NACA: variants seen among roughly 807,000 people sequenced by gnomAD.
NACA encodes the protein nascent polypeptide-associated complex subunit alpha.
A neutral mutation model predicts 86.4 loss-of-function variants in NACA; 42 were observed. The observed-to-expected ratio is 0.49, with a 90% CI of 0.38 to 0.63. The LOEUF is 0.63. NACA is among the 20% of genes least tolerant of loss of function. The pLI is 0.00. For synonymous variants in NACA, 898 were observed against 973.7 expected, an observed-to-expected ratio of 0.92 and a Z score of 1.45; for missense variants, 2,157 against 2,483.6, an observed-to-expected ratio of 0.87 and a Z score of 2.80.
chr12:56,724,900 G>A (rs375269668), intron 1 of NACA: 2 of 228,362 alleles, frequency 8.8e-6, no homozygotes, highest in African/African-American at 2.3e-5. Context: ...GGTGTTTTAA[G>A]TCCAACACTT....
In NACA at chr12:56,716,395, G is replaced by A. The variant is rs778589210; in HGVS notation, c.5135C>T (p.Thr1712Ile). Residue 1712 changes from threonine to isoleucine, a missense_variant, in exon 3 of 9, where the codon ACT becomes ATT. Around this residue, in one of 8 missense-constraint regions of NACA, gnomAD observed 797 missense variants for 777.6 expected, o/e 1.02. Coordinates refer to ENST00000454682, the MANE Select transcript of NACA (RefSeq NM_001365896.1). ...GGGATCTGGGCATATAGGAGGTGAA[G>A]TAGCAGAACTCTTTTTGGTCTGTGG... ...KGPQTKKSSA[T>I]SPPICPDPSA... 1.2e-6 allele frequency: 2 copies of A among 1,607,328 alleles called. No homozygotes were observed. Among genetic ancestry groups the A allele is most frequent in the African/African-American group, 1.3e-5 (1 of 74,844 alleles).
chr12:56,717,300 G>A lies in NACA; in HGVS notation c.4230C>T (p.Leu1410=), dbSNP rs1434490141. Residue 1410 remains leucine, a synonymous_variant, in exon 3 of 9, where the codon CTC becomes CTT. Coordinates refer to ENST00000454682, the MANE Select transcript of NACA (RefSeq NM_001365896.1). ...GDPTSPAVIP[L]SPKKAPATPV... is the part of the protein sequence containing the mutation. ...GAGTTGCTGGAGCCTTTTTGGGGGA[G>A]AGAGGAATCACTGCTGGGGAAGTGG... 1 of 1,343,166 alleles carries A rather than the reference G, an allele frequency of 7.4e-7. No individual in the cohort carries two copies. Among genetic ancestry groups the A allele is most frequent in the South Asian group, 1.4e-5 (1 of 71,826 alleles). The allele number at this position is 1,343,166 out of a possible 1,614,324, so 83.2% of individuals were successfully genotyped here.
In NACA at chr12:56,716,707, G is replaced by A. The variant is rs760949773; in HGVS notation, c.4823C>T (p.Pro1608Leu). 1.4e-6 allele frequency: 2 copies of A among 1,410,162 alleles called. No homozygotes were observed. Among genetic ancestry groups the A allele is most frequent in the Non-Finnish European group, 1.9e-6 (2 of 1,056,742 alleles). The allele number at this position is 1,410,162 out of a possible 1,614,324, so 87.4% of individuals were successfully genotyped here. The stretch of plus-strand genomic sequence containing the variant: ...AGGAGTAGGTGCCTCTTTGGGGGAA[G>A]GAGAAGTCACAGCTGGTGGAATGAG... ...ELLIPPAVTSPSPKEAPTPPA... is the reference protein window; with the variant it reads ...ELLIPPAVTSLSPKEAPTPPA... Residue 1608 changes from proline to leucine, a missense_variant, in exon 3 of 9, where the codon CCT (proline) becomes CTT (leucine). Physicochemically the swap from Pro to Leu is moderately conservative, Grantham distance 98. Coordinates refer to ENST00000454682, the MANE Select transcript of NACA (RefSeq NM_001365896.1).
intron 2 of NACA, among the ~76,000 whole-genome samples, chr12:56,722,649 CTGCA>C: frequency 6.6e-6 from 1 of 152,212 alleles, no homozygotes; most frequent in East Asian, 1.9e-4. Context: ...GATCGCGCTA[CTGCA>C]TGCACTCCAG....
At chr12:56,713,793 G>A (rs1030363060) in intron 5 of NACA, 110 bp from the exon 6 acceptor site, 2 of 1,101,380 alleles carry the variant, frequency 1.8e-6, no homozygotes, top group Admixed American at 2.3e-5. Flanking sequence ...GCTGAGAAAA[G>A]TTCATACAAG....
Position 56,719,434 on chromosome 12 carries a change from G to A in NACA, c.2096C>T (p.Pro699Leu). 1 of 1,613,098 alleles carries A rather than the reference G, an allele frequency of 6.2e-7. No homozygotes were observed. The highest frequency in any genetic ancestry group is 1.1e-5 in the South Asian group (1 of 90,604). The change falls in exon 3 of 9, where the codon CCC (proline) becomes CTC (leucine). Residue 699 changes from proline (P) to leucine (L), a missense_variant. Coordinates refer to ENST00000454682, the MANE Select transcript of NACA (RefSeq NM_001365896.1). ...ATTTTCTGAAGCTGTAGGAACCAAG[G>A]GTAAAGTAGTAAGAGTACCTTCCTT... is the stretch of plus-strand genomic sequence containing the variant. ...PVKEGTLTTLPLVPTASENCP... is the reference protein window; with the variant it reads ...PVKEGTLTTLLLVPTASENCP...
chr12:56,716,164 G>C lies in NACA; in HGVS notation c.5366C>G (p.Ser1789Cys), dbSNP rs541284931. ...TGGTGGGGAGGGTGCTGCAGAGACAGATGCTGATTCAGGTTTAGGAAGGAC... is the reference window on the plus strand; with the variant it reads ...TGGTGGGGAGGGTGCTGCAGAGACACATGCTGATTCAGGTTTAGGAAGGAC... ...EKVLPKPESA[S>C]VSAAPSPPVS... Residue 1789 changes from serine (S) to cysteine (C), a missense_variant, in exon 3 of 9, where the codon TCT becomes TGT. Physicochemically the swap from Ser to Cys is moderately radical, Grantham distance 112. Transcript: ENST00000454682. 5 of 1,613,672 alleles carry C rather than the reference G, an allele frequency of 3.1e-6. No individual in the cohort carries two copies. The African/African-American group carries it at 6.7e-5, about 21-fold the overall frequency.
Position 56,716,449 on chromosome 12 carries a change from G to A in NACA, c.5081C>T (p.Pro1694Leu). 3.2e-6 allele frequency: 5 copies of A among 1,576,302 alleles called. No individual in the cohort carries two copies. Among genetic ancestry groups the A allele is most frequent in the Non-Finnish European group, 4.3e-6 (5 of 1,156,488 alleles). The part of the protein sequence containing the change: ...VLVAPAPEST[P>L]IITAPTRKGP... ...TTTCCGAGTGGGAGCTGTGATGATT[G>A]GCGTGCTTTCTGGAGCTGGGGCAAC... The change falls in exon 3 of 9, where the codon CCA becomes CTA. Residue 1694 changes from proline (P) to leucine (L), a missense_variant. Physicochemically the swap from Pro to Leu is moderately conservative, Grantham distance 98. Transcript: ENST00000454682.
intron 2 of NACA, among the ~76,000 whole-genome samples, chr12:56,721,749 C>A (rs1270874360): frequency 6.6e-6 from 1 of 152,194 alleles, no homozygotes; most frequent in Admixed American, 6.5e-5. Flanking sequence ...TAAGAGCAGC[C>A]TATCTCTAAA....
rs574662799 is a variant in NACA at position 56,716,047 on chromosome 12, G to T, written c.5483C>A (p.Pro1828His). 6.2e-6 allele frequency: 10 copies of T among 1,610,574 alleles called. No homozygotes were observed. The South Asian group carries it at 1.1e-4, about 18-fold the overall frequency. The change falls in exon 3 of 9, where the codon CCC (proline) becomes CAC (histidine). Residue 1828 changes from proline to histidine, a missense_variant. Physicochemically the swap from Pro to His is moderately conservative, Grantham distance 77. This residue lies in a region of NACA where 797 missense variants were observed against 777.6 expected (regional missense o/e 1.02). Transcript: ENST00000454682. ...PSSPGLVLES[P>H]SKPLAPADED... ...ATCAGCAGGGGCAAGGGGTTTAGAG[G>T]GTGATTCCAACACCAGCCCAGGAGA... is the stretch of plus-strand genomic sequence containing the variant.
chr12:56,721,437 G>A lies in NACA; in HGVS notation c.93C>T (p.Ala31=), dbSNP rs530418404. ...AETAVLPMSS[A]LSVTAALGQP... ...GCCCTAAGGCAGCAGTGACACTCAA[G>A]GCTGAAGACATAGGTAGCACAGCTG... Residue 31 remains alanine, a synonymous_variant, in exon 3 of 9, where the codon GCC becomes GCT. Transcript: ENST00000454682. 2.2e-5 allele frequency: 34 copies of A among 1,522,640 alleles called. No individual in the cohort carries two copies. In the African/African-American group the frequency reaches 4.2e-4, roughly 19 times the overall value. 94.3% of individuals were successfully genotyped at this position (1,522,640 alleles called of 1,614,324 possible). A position where few individuals can be genotyped will look rare whatever the true frequency, so the allele number is the denominator to read the frequency against.
chr12:56,720,599 G>C lies in NACA; in HGVS notation c.931C>G (p.Pro311Ala), dbSNP rs773804766. 1 of 1,613,976 alleles carries C rather than the reference G, an allele frequency of 6.2e-7. No individual in the cohort carries two copies. The highest frequency in any genetic ancestry group is 1.6e-4 in the Middle Eastern group (1 of 6,062). ...FPISLGSHLA[P>A]LHQSSFGSVQ... is the part of the protein sequence containing the mutation. ...GAACCAAAAGAACTCTGATGTAAAGGTGCAAGATGAGAGCCCAGAGAAATG... is the reference window on the plus strand; with the variant it reads ...GAACCAAAAGAACTCTGATGTAAAGCTGCAAGATGAGAGCCCAGAGAAATG... Residue 311 changes from proline to alanine, a missense_variant, in exon 3 of 9, where the codon CCT (proline) becomes GCT (alanine). Physicochemically the swap from Pro to Ala is conservative, Grantham distance 27 (BLOSUM62 -1). Transcript: ENST00000454682.
chr12:56,716,689 G>A lies in NACA; in HGVS notation c.4841C>T (p.Pro1614Leu), dbSNP rs773367731. 1 of 1,420,552 alleles carries A rather than the reference G, an allele frequency of 7.0e-7. No homozygotes were observed. The highest frequency in any genetic ancestry group is 3.0e-5 in the East Asian group (1 of 33,014). The allele number at this position is 1,420,552 out of a possible 1,614,324, so 88.0% of individuals were successfully genotyped here. A position where few individuals can be genotyped will look rare whatever the true frequency, so the allele number is the denominator to read the frequency against. Reference sequence around the variant, plus strand: ...TGGAGGAGTCACAGCTGGAGGAGTAGGTGCCTCTTTGGGGGAAGGAGAAGT... The same window carrying A: ...TGGAGGAGTCACAGCTGGAGGAGTAAGTGCCTCTTTGGGGGAAGGAGAAGT... ...AVTSPSPKEA[P>L]TPPAVTPPSP... The change falls in exon 3 of 9, where the codon CCT (proline) becomes CTT (leucine). Residue 1614 changes from proline to leucine, a missense_variant. By Grantham distance (98) the Pro-to-Leu change is moderately conservative (BLOSUM62 -3). Around this residue, in one of 8 missense-constraint regions of NACA, gnomAD observed 797 missense variants for 777.6 expected, o/e 1.02. Transcript: ENST00000454682.
Position 56,717,308 on chromosome 12 carries a change from TC to T in NACA, c.4221del (p.Ile1408PhefsTer31). On this transcript the variant is annotated frameshift_variant, in exon 3 of 9. Coordinates refer to ENST00000454682, the MANE Select transcript of NACA (RefSeq NM_001365896.1). LOFTEE classifies it high-confidence loss of function. ...GGAGCCTTTTTGGGGGAGAGAGGAA[TC>T]ACTGCTGGGGAAGTGGGGTCCCCTT... is the stretch of plus-strand genomic sequence containing the variant. ...SPKGDPTSPAVIPLSPKKAPA... is the reference protein window; with the variant it reads ...SPKGDPTSPAXIPLSPKKAPA... 5 of 1,338,968 alleles carry T rather than the reference TC, an allele frequency of 3.7e-6. No individual in the cohort carries two copies. The highest frequency in any genetic ancestry group is 4.9e-6 in the Non-Finnish European group (5 of 1,023,632). 82.9% of individuals were successfully genotyped at this position (1,338,968 alleles called of 1,614,324 possible). A position where few individuals can be genotyped will look rare whatever the true frequency, so the allele number is the denominator to read the frequency against.
chr12:56,718,738 G>C lies in NACA; in HGVS notation c.2792C>G (p.Pro931Arg). The change falls in exon 3 of 9, where the codon CCA (proline) becomes CGA (arginine). Residue 931 changes from proline to arginine, a missense_variant. Transcript: ENST00000454682. ...ARATPAPKGI[P>R]ASPSPKGAPT... ...GGCCCCTTTGGGGGATGGGGAAGCTGGGATTCCTTTAGGGGCTGGAGTTGC... is the reference window on the plus strand; with the variant it reads ...GGCCCCTTTGGGGGATGGGGAAGCTCGGATTCCTTTAGGGGCTGGAGTTGC... 6.9e-7 allele frequency: 1 copy of C among 1,444,886 alleles called. No homozygotes were observed. Among genetic ancestry groups the C allele is most frequent in the East Asian group, 3.0e-5 (1 of 33,358 alleles). The allele number at this position is 1,444,886 out of a possible 1,614,324, so 89.5% of individuals were successfully genotyped here.
rs767149160 is a variant in NACA at position 56,718,794 on chromosome 12, G to A, written c.2736C>T (p.Ser912=). 4.2e-6 allele frequency: 6 copies of A among 1,445,510 alleles called. No homozygotes were observed. In the African/African-American group the frequency reaches 7.0e-5, roughly 17 times the overall value. 89.5% of individuals were successfully genotyped at this position (1,445,510 alleles called of 1,614,324 possible). A position where few individuals can be genotyped will look rare whatever the true frequency, so the allele number is the denominator to read the frequency against. Residue 912 remains serine, a synonymous_variant, in exon 3 of 9, where the codon TCC becomes TCT. Transcript: ENST00000454682. The stretch of plus-strand genomic sequence containing the variant: ...CCTTTTTGGGGGAGGAAGAAGTCAT[G>A]GATAGAGCAGGAGCCTGTTTGGGTG... The part of the protein sequence containing the change: ...TPAPKQAPAL[S]MTSSSPKKAR...
At position 56,716,538 on chromosome 12, in the gene NACA, A is replaced by C. The variant is rs1400351733; in HGVS notation, c.4992T>G (p.Thr1664=). Residue 1664 remains threonine (T), a synonymous_variant, in exon 3 of 9, where the codon ACT becomes ACG. Coordinates refer to ENST00000454682, the MANE Select transcript of NACA (RefSeq NM_001365896.1). Reference sequence around the variant, plus strand: ...GAAGCCCTTTAGATGCTTGAGGAACAGTGGCCCCCATTTTACATGTGACAG... The same window carrying C: ...GAAGCCCTTTAGATGCTTGAGGAACCGTGGCCCCCATTTTACATGTGACAG... The part of the protein sequence containing the change: ...PASVTCKMGA[T]VPQASKGLPA... 6.8e-7 allele frequency: 1 copy of C among 1,474,518 alleles called. No individual in the cohort carries two copies. The highest frequency in any genetic ancestry group is 2.9e-5 in the East Asian group (1 of 34,458). The allele number at this position is 1,474,518 out of a possible 1,614,324, so 91.3% of individuals were successfully genotyped here.
chr12:56,724,105 C>G (rs767802295), intron 2 of NACA, among the ~76,000 whole-genome samples: 1 of 152,162 alleles, frequency 6.6e-6, no homozygotes, highest in Non-Finnish European at 1.5e-5. Context: ...ATGCTCCGGG[C>G]TCCTTGGCCT....
At position 56,719,482 on chromosome 12, in the gene NACA, A is replaced by G. The variant is rs1953509257; in HGVS notation, c.2048T>C (p.Leu683Ser). 11 of 1,613,806 alleles carry G rather than the reference A, an allele frequency of 6.8e-6. No individual in the cohort carries two copies. Among genetic ancestry groups the G allele is most frequent in the South Asian group, 1.1e-5 (1 of 91,066 alleles). ...CTTAACTGGGTGGTTTTTAGGAGCT[A>G]AAGAGACAGTTCCTTCTAGAAAAGG... is the stretch of plus-strand genomic sequence containing the variant. ...ASPFLEGTVS[L>S]APKNHPVKEG... Residue 683 changes from leucine to serine, a missense_variant, in exon 3 of 9, where the codon TTA becomes TCA. Around this residue, in one of 8 missense-constraint regions of NACA, gnomAD observed 947 missense variants for 917.9 expected, o/e 1.03. Coordinates refer to ENST00000454682, the MANE Select transcript of NACA (RefSeq NM_001365896.1).
Sources: gnomAD v4.1 joint callset for allele counts (sites outside exome capture counted in the v4.1 genomes callset) on GRCh38, gnomAD v4.1.1 for gene constraint, gnomAD v4.1.1 regional missense constraint, MANE v1.5 for transcripts, NCBI Gene and HGNC (gene_info 2026-07-23, HGNC 2026-07-21) for gene names.